Variants in PKNOX2 observed in about 807,000 individuals in gnomAD.
PKNOX2 encodes the protein homeobox protein PKNOX2.
A neutral mutation model predicts 53.1 loss-of-function variants in PKNOX2; 14 were observed. The observed-to-expected ratio is 0.26, with a 90% CI of 0.17 to 0.41. The LOEUF (loss-of-function observed/expected upper bound fraction) is 0.41. Among genes scored for constraint, PKNOX2 ranks in the 10% least tolerant of loss-of-function variants. The pLI, the probability that PKNOX2 is intolerant of heterozygous loss-of-function variation, is 1.00. For missense variants in PKNOX2, 496 were observed against 602.8 expected, an observed-to-expected ratio of 0.82 and a Z score of 1.85; for synonymous variants, 257 against 242.8, an observed-to-expected ratio of 1.06 and a Z score of -0.54.
intron 10 of PKNOX2, among the ~76,000 whole-genome samples, chr11:125,418,684 G>A (rs372122254): frequency 6.6e-6 from 1 of 152,044 alleles, no homozygotes; most frequent in African/African-American, 2.4e-5. Flanking sequence ...GCAGAGCATT[G>A]TGTTAAGTCT....
chr11:125,408,939 T>G (rs893323442), intron 7 of PKNOX2, among the ~76,000 whole-genome samples: 3 of 152,200 alleles, frequency 2.0e-5, no homozygotes, highest in African/African-American at 7.2e-5. Flanking sequence ...TTTTGTCTAT[T>G]TCCTTGACCA....
intron 2 of PKNOX2, among the ~76,000 whole-genome samples, chr11:125,306,635 G>A (rs564170165): frequency 3.3e-5 from 5 of 152,300 alleles, no homozygotes; most frequent in South Asian, 2.1e-4. Context: ...CAGCTGTAAC[G>A]TTCCTTCGAG....
rs1946768897 is a variant in PKNOX2 at position 125,284,409 on chromosome 11, C to G, written c.-129-47410C>G. Among the ~76,000 whole-genome samples the G allele has an allele frequency of 2.0e-5, 3 of 152,248 alleles. No individual in the cohort carries two copies. In the South Asian group the frequency reaches 6.2e-4, roughly 31 times the overall value. On this transcript the variant is annotated intron_variant, in intron 2 of 12. Coordinates refer to ENST00000298282, the MANE Select transcript of PKNOX2 (RefSeq NM_001382323.2). Reference sequence around the variant, plus strand: ...AGGGTGCGCCTTTACTCCACAACAACAACCAGGATAGATTGTGGTGCGTGT... The same window carrying G: ...AGGGTGCGCCTTTACTCCACAACAAGAACCAGGATAGATTGTGGTGCGTGT...
chr11:125,221,272 A>G (rs1941122177), intron 1 of PKNOX2, among the ~76,000 whole-genome samples: 2 of 152,132 alleles, frequency 1.3e-5, no homozygotes, highest in Non-Finnish European at 2.9e-5. Context: ...ACTAGGGTCC[A>G]CCCAGGGGCA....
chr11:125,310,479 A>G (rs1327096026), intron 2 of PKNOX2, among the ~76,000 whole-genome samples: 1 of 151,848 alleles, frequency 6.6e-6, no homozygotes, highest in Non-Finnish European at 1.5e-5. Flanking sequence ...TGTGAGATAG[A>G]GTGAGACTCT....
chr11:125,254,428 AG>A (rs201714985), intron 2 of PKNOX2, among the ~76,000 whole-genome samples: 1 of 151,536 alleles, frequency 6.6e-6, no homozygotes, highest in Non-Finnish European at 1.5e-5. Flanking sequence ...AAGGGGAGAA[AG>A]AAAAGGGAAT....
intron 3 of PKNOX2, among the ~76,000 whole-genome samples, chr11:125,340,585 A>G (rs1358102173): frequency 6.6e-6 from 1 of 152,196 alleles, no homozygotes; most frequent in Non-Finnish European, 1.5e-5. Flanking sequence ...TGTTAGTGTC[A>G]TGCCTGGGGC....
intron 6 of PKNOX2, among the ~76,000 whole-genome samples, chr11:125,391,331 G>A (rs1408433369): frequency 2.6e-5 from 4 of 152,094 alleles, no homozygotes; most frequent in Non-Finnish European, 4.4e-5. Context: ...GTATACAAAC[G>A]TTTTGAAAGG....
chr11:125,272,869 G>C (rs905188457), intron 2 of PKNOX2, among the ~76,000 whole-genome samples: 2 of 152,180 alleles, frequency 1.3e-5, no homozygotes, highest in Admixed American at 6.5e-5. Context: ...GCCTCACCAC[G>C]CCTTGTTTCA....
At chr11:125,379,055 C>CTTTTTTTTTTTTTT (rs35310311) in intron 5 of PKNOX2, among the ~76,000 whole-genome samples, 15 of 124,446 alleles carry the variant, frequency 1.2e-4, no homozygotes, top group Non-Finnish European at 1.3e-4. Context: ...TTTTCTTTCT[C>CTTTTTTTTTTTTTT]TTTTTTTTTT....
In PKNOX2 at chr11:125,189,411, ATATGTGTGTGTGTGTGTG is replaced by A. The variant is rs1196006959; in HGVS notation, c.-201+24637_-201+24654del. ...TGTATATATATATGTGTGTATATAT[ATATGTGTGTGTGTGTGTG>A]TGTGTGTGTGTGTGTGTGTATATAT... On this transcript the variant is annotated intron_variant, in intron 1 of 12. Transcript: ENST00000298282. Among the ~76,000 whole-genome samples, 32 of 52,442 alleles carry A rather than the reference ATATGTGTGTGTGTGTGTG, an allele frequency of 6.1e-4. 1 individual carries two copies. Among genetic ancestry groups the A allele is most frequent in the Non-Finnish European group, 8.6e-4 (25 of 29,056 alleles). The allele number at this position is 52,442 out of a possible 152,430, so 34.4% of individuals were successfully genotyped here. A position where few individuals can be genotyped will look rare whatever the true frequency, so the allele number is the denominator to read the frequency against.
chr11:125,347,343 C>T (rs1301331870), intron 3 of PKNOX2, among the ~76,000 whole-genome samples: 2 of 152,238 alleles, frequency 1.3e-5, no homozygotes, highest in South Asian at 2.1e-4. Flanking sequence ...GCCCCCAACC[C>T]CGGCACACTG....
intron 1 of PKNOX2, chr11:125,190,914 T>C (rs112487047): frequency 7.5e-4 from 114 of 152,378 alleles, no homozygotes; most frequent in African/African-American, 2.6e-3. Context: ...TTTCATATAT[T>C]GTTTCTTGAA....
intron 1 of PKNOX2, among the ~76,000 whole-genome samples, chr11:125,199,204 T>A (rs1401392885): frequency 6.6e-6 from 1 of 152,042 alleles, no homozygotes; most frequent in African/African-American, 2.4e-5. Flanking sequence ...CAGCCCCAGG[T>A]GGCATGTTAT....
At chr11:125,259,834 C>T (rs1944696506) in intron 2 of PKNOX2, among the ~76,000 whole-genome samples, 1 of 152,090 alleles carries the variant, frequency 6.6e-6, no homozygotes. Context: ...GTCCTAACCC[C>T]ATCCTAACTC....
At chr11:125,331,133 C>T (rs61917777) in intron 2 of PKNOX2, among the ~76,000 whole-genome samples, 1 of 152,176 alleles carries the variant, frequency 6.6e-6, no homozygotes, top group Non-Finnish European at 1.5e-5. Flanking sequence ...TATGGCCGTG[C>T]TGACCACCCA....
intron 3 of PKNOX2, among the ~76,000 whole-genome samples, chr11:125,341,125 G>A (rs1405004336): frequency 2.0e-5 from 3 of 150,854 alleles, no homozygotes; most frequent in African/African-American, 7.3e-5. Context: ...ACTTTGGAAG[G>A]CCGAGGCAGG....
At chr11:125,335,047 C>T (rs1365223662) in intron 3 of PKNOX2, among the ~76,000 whole-genome samples, 1 of 152,174 alleles carries the variant, frequency 6.6e-6, no homozygotes, top group African/African-American at 2.4e-5. Flanking sequence ...TCAGAAAATG[C>T]CAGTTCCTGT....
At chr11:125,226,881 A>T (rs1941742546) in intron 1 of PKNOX2, among the ~76,000 whole-genome samples, 1 of 151,296 alleles carries the variant, frequency 6.6e-6, no homozygotes, top group African/African-American at 2.4e-5. Flanking sequence ...TCAGGAACAC[A>T]GTCCCTCCTC....
Sources: gnomAD v4.1 joint callset for allele counts (sites outside exome capture counted in the v4.1 genomes callset) on GRCh38, gnomAD v4.1.1 for gene constraint, MANE v1.5 for transcripts, NCBI Gene and HGNC (gene_info 2026-07-23, HGNC 2026-07-21) for gene names.